Variants in FAM193A observed in about 807,000 individuals in gnomAD.
The protein encoded by FAM193A is family with sequence similarity 193 member A.
FAM193A carries 22 observed loss-of-function variants against 126.5 expected under a neutral mutation model. The observed-to-expected ratio is 0.17, with a 90% CI of 0.12 to 0.25. The LOEUF (loss-of-function observed/expected upper bound fraction) is 0.25. Among genes scored for constraint, FAM193A ranks in the 10% least tolerant of loss-of-function variants. The pLI is 1.00. For missense variants in FAM193A, 1,675 were observed against 1,672.8 expected, an observed-to-expected ratio of 1.00 and a Z score of -0.02; for synonymous variants, 761 against 646.8, an observed-to-expected ratio of 1.18 and a Z score of -2.68.
At position 2,652,145 on chromosome 4, in the gene FAM193A, A is replaced by G. The variant is rs1033974064; in HGVS notation, c.1311+5313A>G. ...ACCAGGGATTTGCAGAGTACCCTTC[A>G]TGGGAGGCACTTGTCTGCAAGTCTA... is the stretch of plus-strand genomic sequence containing the variant. On this transcript the variant is annotated intron_variant, in intron 7 of 20. Transcript: ENST00000637812. Among the ~76,000 whole-genome samples the G allele has an allele frequency of 2.0e-5, 3 of 152,110 alleles. No individual in the cohort carries two copies. The East Asian group carries it at 5.8e-4, about 29-fold the overall frequency.
Position 2,646,770 on chromosome 4 carries a change from C to G in FAM193A, c.1249C>G (p.Arg417Gly). 6.2e-7 allele frequency: 1 copy of G among 1,614,074 alleles called. No homozygotes were observed. Among genetic ancestry groups the G allele is most frequent in the Non-Finnish European group, 8.5e-7 (1 of 1,179,990 alleles). ...GTACCAGCGTTCCGAGGAGGAGCTG[C>G]GCAGAGTCGCCGAGGAGTGGCTGGA... ...QRYQRSEEEL[R>G]RVAEEWLECQ... The change falls in exon 7 of 21, where the codon CGC becomes GGC. Residue 417 changes from arginine to glycine, a missense_variant. Around this residue, in one of 4 missense-constraint regions of FAM193A, gnomAD observed 1,186 missense variants for 1,109.2 expected, o/e 1.07. Coordinates refer to ENST00000637812, the MANE Select transcript of FAM193A (RefSeq NM_001366318.2).
intron 1 of FAM193A, among the ~76,000 whole-genome samples, chr4:2,550,569 T>C (rs1426187122): frequency 6.6e-6 from 1 of 151,200 alleles, no homozygotes; most frequent in Non-Finnish European, 1.5e-5. Context: ...CCCGAGTAGC[T>C]GGGATTACAG....
chr4:2,665,147 A>C (rs896897847), intron 12 of FAM193A, among the ~76,000 whole-genome samples: 2 of 152,116 alleles, frequency 1.3e-5, no homozygotes, highest in Non-Finnish European at 2.9e-5. Flanking sequence ...AGTCATCTTT[A>C]ATTTTTCTCA....
At chr4:2,704,061 A>T (rs1262861646) in intron 19 of FAM193A, among the ~76,000 whole-genome samples, 1 of 151,728 alleles carries the variant, frequency 6.6e-6, no homozygotes, top group Non-Finnish European at 1.5e-5. Context: ...AGGTCAGGAG[A>T]TGGAGACCAT....
chr4:2,611,420 C>T (rs191687191), intron 2 of FAM193A, among the ~76,000 whole-genome samples: 346 of 152,170 alleles, frequency 2.3e-3, no homozygotes, highest in Non-Finnish European at 3.0e-3. Context: ...AGGCGCCAGC[C>T]ACCATGCATA....
At chr4:2,551,500 A>G (rs1318206702) in intron 1 of FAM193A, among the ~76,000 whole-genome samples, 4 of 152,182 alleles carry the variant, frequency 2.6e-5, no homozygotes, top group Admixed American at 2.0e-4. Context: ...TTCTTTCTCT[A>G]TGTTAGTATC....
Position 2,641,457 on chromosome 4 carries a change from C to T in FAM193A, c.1163+1598C>T, listed in dbSNP as rs148993383. Among the ~76,000 whole-genome samples the T allele has an allele frequency of 2.8e-3, 431 of 151,796 alleles. 1 individual carries two copies. The highest frequency in any genetic ancestry group is 9.9e-3 in the African/African-American group (410 of 41,410). On this transcript the variant is annotated intron_variant, in intron 6 of 20. Transcript: ENST00000637812. ...GCAGATCACGAGGTCAGATCAAGAC[C>T]ATCCTGGCTAACACGGTGAAACCTC...
chr4:2,644,072 G>A (rs1349803575), intron 6 of FAM193A, among the ~76,000 whole-genome samples: 1 of 152,120 alleles, frequency 6.6e-6, no homozygotes, highest in African/African-American at 2.4e-5. Flanking sequence ...TATTTAGATG[G>A]AAACCTGTTT....
intron 5 of FAM193A, among the ~76,000 whole-genome samples, chr4:2,634,440 G>A (rs944656763): frequency 6.6e-6 from 1 of 152,098 alleles, no homozygotes; most frequent in Non-Finnish European, 1.5e-5. Context: ...TAAAACACAA[G>A]GTTCATGACA....
Position 2,548,118 on chromosome 4 carries a change from C to T in FAM193A, c.255+10948C>T, listed in dbSNP as rs565477668. Among the ~76,000 whole-genome samples the T allele has an allele frequency of 3.5e-4, 51 of 145,736 alleles. 1 individual carries two copies. The Admixed American group carries it at 3.6e-3, about 10-fold the overall frequency. ...ACAAAGTCTTGCTCTTGTCCCCAGGCTGGAGTGCAGTGGCACGATCTCGGC... is the reference window on the plus strand; with the variant it reads ...ACAAAGTCTTGCTCTTGTCCCCAGGTTGGAGTGCAGTGGCACGATCTCGGC... On this transcript the variant is annotated intron_variant, in intron 1 of 20. Coordinates refer to ENST00000637812, the MANE Select transcript of FAM193A (RefSeq NM_001366318.2).
intron 1 of FAM193A, among the ~76,000 whole-genome samples, chr4:2,588,000 G>A (rs1577043924): frequency 6.6e-6 from 1 of 152,128 alleles, no homozygotes; most frequent in Non-Finnish European, 1.5e-5. Context: ...GGAGAGGAGG[G>A]CACAGGCGCA....
At chr4:2,626,687 T>C (rs1425210349) in intron 4 of FAM193A, 110 bp downstream of exon 4, 2 of 603,194 alleles carry the variant, frequency 3.3e-6, no homozygotes, top group African/African-American at 3.6e-5. Context: ...CAGCTGGGTT[T>C]GCTTAGCCTT....
intron 2 of FAM193A, chr4:2,608,039 G>A: frequency 6.2e-7 from 1 of 1,607,038 alleles, no homozygotes; most frequent in Non-Finnish European, 8.5e-7. Flanking sequence ...TCACGTCCGG[G>A]TGTGCAGCAT....
chr4:2,603,792 C>T lies in FAM193A; in HGVS notation c.501+7463C>T, dbSNP rs140051167. ...AGTTTTTATTATTTCTGTTTTCACC[C>T]GTGAATTATTTAGAAGTACGTGTAA... is the stretch of plus-strand genomic sequence containing the variant. On this transcript the variant is annotated intron_variant, in intron 2 of 20. Transcript: ENST00000637812. 4.7e-4 allele frequency among the ~76,000 whole-genome samples: 72 copies of T among 151,988 alleles called. No homozygotes were observed. In the East Asian group the frequency reaches 0.011, roughly 23 times the overall value.
intron 1 of FAM193A, among the ~76,000 whole-genome samples, chr4:2,540,251 C>T (rs866612966): frequency 3.7e-4 from 57 of 152,160 alleles, no homozygotes; most frequent in African/African-American, 1.2e-3. Flanking sequence ...AGGCGGATCA[C>T]GAGGTCAGGA....
intron 1 of FAM193A, among the ~76,000 whole-genome samples, chr4:2,567,254 A>G (rs954985650): frequency 2.0e-5 from 3 of 149,096 alleles, no homozygotes; most frequent in Middle Eastern, 3.4e-3. Flanking sequence ...GGCCTGAGCC[A>G]CCACGCCCGG....
Position 2,690,716 on chromosome 4 carries a change from C to T in FAM193A, c.2549C>T (p.Pro850Leu). The T allele has an allele frequency of 6.2e-7, 1 of 1,613,088 alleles. No homozygotes were observed. The highest frequency in any genetic ancestry group is 8.5e-7 in the Non-Finnish European group (1 of 1,179,670). ...TTTGAAGGGAGTGAAATATTAGGGCCAACACTCTCAGAAACAAGACCGGAA... is the reference window on the plus strand; with the variant it reads ...TTTGAAGGGAGTGAAATATTAGGGCTAACACTCTCAGAAACAAGACCGGAA... ...DTISGSEILG[P>L]TLSETRPEAL... The change falls in exon 15 of 21, where the codon CCA (proline) becomes CTA (leucine). Residue 850 changes from proline to leucine, a missense_variant. Around this residue, in one of 4 missense-constraint regions of FAM193A, gnomAD observed 1,186 missense variants for 1,109.2 expected, o/e 1.07. Transcript: ENST00000637812.
chr4:2,613,254 TAGTG>T (rs1421330657), intron 2 of FAM193A, among the ~76,000 whole-genome samples: 1 of 152,104 alleles, frequency 6.6e-6, no homozygotes, highest in Non-Finnish European at 1.5e-5. Flanking sequence ...TTGGGCAACA[TAGTG>T]AGATCCTGGT....
chr4:2,559,371 G>C (rs1007658492), intron 1 of FAM193A, among the ~76,000 whole-genome samples: 2 of 152,176 alleles, frequency 1.3e-5, no homozygotes, highest in African/African-American at 4.8e-5. Context: ...TTCAATTTCT[G>C]TGGCTTTTGT....
Sources: gnomAD v4.1 joint callset for allele counts (sites outside exome capture counted in the v4.1 genomes callset) on GRCh38, gnomAD v4.1.1 for gene constraint, gnomAD v4.1.1 regional missense constraint, MANE v1.5 for transcripts, NCBI Gene and HGNC (gene_info 2026-07-23, HGNC 2026-07-21) for gene names.